The following CCSER1 variants were observed in gnomAD, a reference collection of about 807,000 sequenced individuals.
CCSER1 encodes the protein coiled-coil serine rich protein 1.
Under a neutral mutation model 82.0 loss-of-function variants are expected in CCSER1, and 41 were observed. The ratio of observed to expected loss-of-function variants is 0.50; its 90% CI spans 0.39 to 0.65. CCSER1 has a LOEUF of 0.65. Among genes scored for constraint, CCSER1 ranks in the 30% least tolerant of loss-of-function variants. The probability of loss-of-function intolerance (pLI) is 0.00; values close to 1 mark genes in which losing one functional copy is unlikely to be tolerated. For synonymous variants in CCSER1, 414 were observed against 383.9 expected (o/e 1.08, Z -0.92); for missense variants, 1,119 against 1,064.2 (o/e 1.05, Z -0.72).
At chr4:90,459,033 A>G (rs974830150) in intron 4 of CCSER1, among the ~76,000 whole-genome samples, 4 of 152,090 alleles carry the variant, frequency 2.6e-5, no homozygotes, top group African/African-American at 9.7e-5. Context: ...TGTTTATAGT[A>G]TATATTATAT....
intron 5 of CCSER1, among the ~76,000 whole-genome samples, chr4:90,583,861 G>A (rs1419187951): frequency 6.6e-6 from 1 of 151,458 alleles, no homozygotes; most frequent in African/African-American, 2.4e-5. Context: ...AATTATTTTA[G>A]GGATAAAATG....
intron 10 of CCSER1, among the ~76,000 whole-genome samples, chr4:91,582,221 G>T (rs1326123972): frequency 6.6e-6 from 1 of 151,534 alleles, no homozygotes; most frequent in Non-Finnish European, 1.5e-5. Context: ...GAAGAAGTTT[G>T]TGCAGAAACC....
intron 5 of CCSER1, among the ~76,000 whole-genome samples, chr4:90,546,700 A>C (rs1191656145): frequency 6.6e-6 from 1 of 152,124 alleles, no homozygotes; most frequent in Non-Finnish European, 1.5e-5. Context: ...TTTTCTTTTT[A>C]CTGGAAACAA....
chr4:90,442,749 C>T (rs753597652), intron 4 of CCSER1, among the ~76,000 whole-genome samples: 1 of 152,102 alleles, frequency 6.6e-6, no homozygotes, highest in Non-Finnish European at 1.5e-5. Flanking sequence ...AGTGTTTACC[C>T]AGAAATATTT....
At chr4:90,839,953 G>A (rs1762362455) in intron 8 of CCSER1, among the ~76,000 whole-genome samples, 2 of 151,746 alleles carry the variant, frequency 1.3e-5, no homozygotes, top group South Asian at 2.1e-4. Flanking sequence ...TTAGTAGATG[G>A]GATTGAAGTT....
intron 10 of CCSER1, among the ~76,000 whole-genome samples, chr4:91,340,993 A>G (rs1747685724): frequency 6.6e-6 from 1 of 152,194 alleles, no homozygotes; most frequent in Non-Finnish European, 1.5e-5. Flanking sequence ...AATGGACATA[A>G]CTGAAACTCC....
chr4:91,554,725 C>T (rs1423329447), intron 10 of CCSER1, among the ~76,000 whole-genome samples: 1 of 151,020 alleles, frequency 6.6e-6, no homozygotes, highest in Non-Finnish European at 1.5e-5. Flanking sequence ...CTACAAAAGA[C>T]CCAGAATAGC....
chr4:90,455,817 G>A (rs1762091815), intron 4 of CCSER1, among the ~76,000 whole-genome samples: 1 of 152,098 alleles, frequency 6.6e-6, no homozygotes, highest in Non-Finnish European at 1.5e-5. Context: ...CTCCATCCAC[G>A]ATGCAGGAGG....
chr4:90,640,276 T>C (rs73833742), intron 6 of CCSER1, among the ~76,000 whole-genome samples: 3,161 of 152,254 alleles, frequency 0.021, 107 homozygotes, highest in African/African-American at 0.07. Flanking sequence ...TGTTTGTTAA[T>C]TCCTTTATGG....
chr4:90,494,280 C>T lies in CCSER1; in HGVS notation c.1724+25926C>T, dbSNP rs570057851. Among the ~76,000 whole-genome samples, 250 of 152,210 alleles carry T rather than the reference C, an allele frequency of 1.6e-3. 2 individuals carry two copies. Among genetic ancestry groups the T allele is most frequent in the Non-Finnish European group, 2.2e-3 (150 of 68,020 alleles). On this transcript the variant is annotated intron_variant, in intron 5 of 10. Transcript: ENST00000509176. ...ATTCATAAAGCAAGTACTTAGTGAC[C>T]GACAAAGAGACTTAGACTCCCACAC... is the stretch of plus-strand genomic sequence containing the variant.
rs1248937878 is a variant in CCSER1, at chr4:91,047,521, C to G, written c.2173-38429C>G. Among the ~76,000 whole-genome samples, 4 of 152,146 alleles carry G rather than the reference C, an allele frequency of 2.6e-5. No homozygotes were observed. In the East Asian group the frequency reaches 5.8e-4, roughly 22 times the overall value. ...CAAATTACCTATTTTCCCTCCCACT[C>G]ACTCCTGACTTTCTACCAATTGGAT... is the stretch of plus-strand genomic sequence containing the variant. On this transcript the variant is annotated intron_variant, in intron 9 of 10. Transcript: ENST00000509176.
chr4:91,516,123 C>T (rs889041691), intron 10 of CCSER1, among the ~76,000 whole-genome samples: 2 of 151,908 alleles, frequency 1.3e-5, no homozygotes, highest in African/African-American at 4.8e-5. Flanking sequence ...TAGTTAGAAG[C>T]ATAGTTTGTA....
At chr4:90,533,124 C>G (rs916410952) in intron 5 of CCSER1, among the ~76,000 whole-genome samples, 1 of 139,292 alleles carries the variant, frequency 7.2e-6, no homozygotes, top group South Asian at 2.3e-4. Context: ...CGGAGTCTCC[C>G]TCTGTCGCCC....
chr4:90,134,696 G>T (rs973812575), intron 1 of CCSER1, among the ~76,000 whole-genome samples: 2 of 152,214 alleles, frequency 1.3e-5, no homozygotes, highest in African/African-American at 4.8e-5. Context: ...TTATGCACAA[G>T]TTATGAATCT....
At chr4:90,997,713 T>A (rs1004042845) in intron 9 of CCSER1, among the ~76,000 whole-genome samples, 1 of 152,220 alleles carries the variant, frequency 6.6e-6, no homozygotes, top group African/African-American at 2.4e-5. Context: ...TTCTTATTAT[T>A]AATATTCAAA....
intron 5 of CCSER1, among the ~76,000 whole-genome samples, chr4:90,603,361 T>C (rs1784262243): frequency 6.6e-6 from 1 of 152,154 alleles, no homozygotes. Flanking sequence ...CTCCAGGTCT[T>C]CAGCCTGCTG....
chr4:91,270,124 T>C (rs571514865), intron 10 of CCSER1, among the ~76,000 whole-genome samples: 2 of 152,320 alleles, frequency 1.3e-5, no homozygotes, highest in Non-Finnish European at 2.9e-5. Context: ...TTCTGAATTC[T>C]GAAAAATCAC....
At chr4:91,081,941 A>G (rs1462181527) in intron 9 of CCSER1, among the ~76,000 whole-genome samples, 1 of 152,224 alleles carries the variant, frequency 6.6e-6, no homozygotes, top group Non-Finnish European at 1.5e-5. Flanking sequence ...AGAACATTCC[A>G]TGCTCATGGG....
At chr4:90,627,904 T>C (rs1723610506) in intron 5 of CCSER1, 121 bp from the exon 6 acceptor site, 1 of 723,428 alleles carries the variant, frequency 1.4e-6, no homozygotes, top group Non-Finnish European at 2.3e-6. Flanking sequence ...TAAACTAATA[T>C]CATGAAATGA....
Sources: gnomAD v4.1 joint callset for allele counts (sites outside exome capture counted in the v4.1 genomes callset) on GRCh38, gnomAD v4.1.1 for gene constraint, MANE v1.5 for transcripts, NCBI Gene and HGNC (gene_info 2026-07-23, HGNC 2026-07-21) for gene names.